NAALADL2: variants seen among roughly 807,000 people sequenced by gnomAD.
The protein encoded by NAALADL2 is inactive N-acetylated-alpha-linked acidic dipeptidase-like protein 2.
Under a neutral mutation model 87.2 loss-of-function variants are expected in NAALADL2, and 76 were observed. The ratio of observed to expected loss-of-function variants is 0.87; its 90% CI spans 0.72 to 1.05. The LOEUF (loss-of-function observed/expected upper bound fraction) is 1.05, where lower values mean the gene tolerates loss of function less well. NAALADL2 is among the 50% of genes least tolerant of loss of function. NAALADL2 has a pLI of 0.00. For missense variants in NAALADL2, 1,089 were observed against 945.8 expected (o/e 1.15, Z -1.99); for synonymous variants, 354 against 331.0 (o/e 1.07, Z -0.75).
intron 1 of NAALADL2, among the ~76,000 whole-genome samples, chr3:175,009,982 G>A (rs1369299327): frequency 1.3e-5 from 2 of 151,980 alleles, no homozygotes; most frequent in Non-Finnish European, 2.9e-5. Flanking sequence ...GATGTTTCTT[G>A]ACTATGAGCT....
At chr3:175,463,920 C>G (rs1723580600) in intron 7 of NAALADL2, among the ~76,000 whole-genome samples, 1 of 152,168 alleles carries the variant, frequency 6.6e-6, no homozygotes, top group Non-Finnish European at 1.5e-5. Flanking sequence ...GCCTCTGCCT[C>G]CCAAGTTCAA....
intron 3 of NAALADL2, among the ~76,000 whole-genome samples, chr3:174,771,860 C>A (rs1262274867): frequency 6.6e-6 from 1 of 152,088 alleles, no homozygotes; most frequent in African/African-American, 2.4e-5. Flanking sequence ...CTGACAATGA[C>A]TAACTGGCTT....
chr3:175,474,388 A>G (rs79476287), intron 9 of NAALADL2, among the ~76,000 whole-genome samples: 10,626 of 152,262 alleles, frequency 0.07, 437 homozygotes, highest in South Asian at 0.15. Context: ...AAACAAAACT[A>G]TAAAATGGAT....
chr3:174,831,599 G>A (rs918046069), intron 3 of NAALADL2, among the ~76,000 whole-genome samples: 2 of 151,106 alleles, frequency 1.3e-5, no homozygotes, highest in East Asian at 1.9e-4. Flanking sequence ...CCTGGCTTTG[G>A]TATCAGAATG....
intron 4 of NAALADL2, among the ~76,000 whole-genome samples, chr3:175,286,488 C>T (rs1754995149): frequency 3.9e-5 from 6 of 152,144 alleles, no homozygotes; most frequent in Admixed American, 3.9e-4. Flanking sequence ...AGACCTGGAG[C>T]TTTAAAAACT....
chr3:174,634,017 A>C (rs888696718), intron 2 of NAALADL2, among the ~76,000 whole-genome samples: 1 of 152,186 alleles, frequency 6.6e-6, no homozygotes, highest in Non-Finnish European at 1.5e-5. Context: ...ACTTTATTGA[A>C]TTGCTCAGAT....
intron 2 of NAALADL2, among the ~76,000 whole-genome samples, chr3:174,670,451 T>C (rs1053677473): frequency 1.3e-5 from 2 of 152,122 alleles, no homozygotes; most frequent in Non-Finnish European, 2.9e-5. Flanking sequence ...TCCTATTACT[T>C]ATTTTTTAGT....
intron 3 of NAALADL2, among the ~76,000 whole-genome samples, chr3:174,750,626 G>T (rs575722657): frequency 6.6e-6 from 1 of 152,098 alleles, no homozygotes; most frequent in African/African-American, 2.4e-5. Flanking sequence ...TAGAGACAGG[G>T]TTTCACCATG....
intron 1 of NAALADL2, among the ~76,000 whole-genome samples, chr3:174,469,880 G>C (rs1037917554): frequency 6.6e-6 from 1 of 152,006 alleles, no homozygotes; most frequent in Admixed American, 6.6e-5. Context: ...GTTCATCAGA[G>C]TATGTAGATA....
At chr3:174,532,214 G>C (rs1246489482) in intron 1 of NAALADL2, among the ~76,000 whole-genome samples, 1 of 152,204 alleles carries the variant, frequency 6.6e-6, no homozygotes, top group Non-Finnish European at 1.5e-5. Context: ...GATGAAGTCA[G>C]ATCCCTGTCC....
intron 2 of NAALADL2, among the ~76,000 whole-genome samples, chr3:175,127,241 C>G (rs554152606): frequency 1.3e-5 from 2 of 152,172 alleles, no homozygotes; most frequent in South Asian, 2.1e-4. Flanking sequence ...CCCGCTACCC[C>G]CCAAAGTGAA....
chr3:174,522,655 C>T (rs929563287), intron 1 of NAALADL2, among the ~76,000 whole-genome samples: 14 of 151,914 alleles, frequency 9.2e-5, no homozygotes, highest in Non-Finnish European at 2.1e-4. Flanking sequence ...ACAAGAAAGG[C>T]CGGGTGCAGT....
chr3:174,916,455 G>C (rs980508616), intron 1 of NAALADL2, among the ~76,000 whole-genome samples: 1 of 151,994 alleles, frequency 6.6e-6, no homozygotes, highest in African/African-American at 2.4e-5. Context: ...GCAAAGATAG[G>C]GAACCAATCT....
intron 1 of NAALADL2, among the ~76,000 whole-genome samples, chr3:174,986,435 A>G (rs998133738): frequency 1.1e-4 from 17 of 151,558 alleles, no homozygotes; most frequent in African/African-American, 4.1e-4. Context: ...TTTAGTTGCT[A>G]TAAGGTTTGC....
intron 2 of NAALADL2, among the ~76,000 whole-genome samples, chr3:174,629,020 G>T (rs866585397): frequency 1.7e-4 from 26 of 152,296 alleles, no homozygotes; most frequent in African/African-American, 5.3e-4. Flanking sequence ...TGTTAAACTT[G>T]TGTTTAGTCC....
intron 11 of NAALADL2, among the ~76,000 whole-genome samples, chr3:175,665,441 A>G (rs1031322787): frequency 2.0e-5 from 3 of 152,206 alleles, no homozygotes; most frequent in East Asian, 3.9e-4. Context: ...TGAGAGAACC[A>G]CAGACTAAGT....
At chr3:175,434,708 A>G (rs1465393000) in intron 5 of NAALADL2, among the ~76,000 whole-genome samples, 1 of 152,008 alleles carries the variant, frequency 6.6e-6, no homozygotes, top group African/African-American at 2.4e-5. Flanking sequence ...GTCTTTTTTC[A>G]AGGCTAGAAA....
At chr3:175,517,657 ATCC>A (rs1306508677) in intron 9 of NAALADL2, among the ~76,000 whole-genome samples, 3 of 152,124 alleles carry the variant, frequency 2.0e-5, no homozygotes, top group Non-Finnish European at 2.9e-5. Context: ...TCTGTGGTAA[ATCC>A]TCGAGGTTCA....
chr3:175,024,671 G>A (rs1299044939), intron 1 of NAALADL2, among the ~76,000 whole-genome samples: 1 of 152,000 alleles, frequency 6.6e-6, no homozygotes, highest in East Asian at 1.9e-4. Context: ...GTCTTCAATA[G>A]TATAGGAGAA....
Sources: allele counts gnomAD v4.1 joint callset (sites outside exome capture counted in the v4.1 genomes callset), GRCh38; gene constraint gnomAD v4.1.1; transcripts MANE v1.5; gene names NCBI Gene and HGNC (gene_info 2026-07-23, HGNC 2026-07-21).